EEFSEC: variants seen among roughly 807,000 people sequenced by gnomAD.
The protein encoded by EEFSEC is eukaryotic elongation factor, selenocysteine-tRNA specific, also known as selenocysteine-specific elongation factor.
A neutral mutation model predicts 42.1 loss-of-function variants in EEFSEC; 43 were observed. The observed-to-expected ratio is 1.02, with a 90% CI of 0.80 to 1.32. The LOEUF is 1.32. EEFSEC is among the 40% of genes most tolerant of loss of function. The pLI, the probability that EEFSEC is intolerant of heterozygous loss-of-function variation, is 0.00. For missense variants in EEFSEC, 745 were observed against 803.6 expected (o/e 0.93, Z 0.88); for synonymous variants, 354 against 339.1 (o/e 1.04, Z -0.48).
chr3:128,230,072 C>T (rs1207883520), intron 1 of EEFSEC, among the ~76,000 whole-genome samples: 1 of 146,308 alleles, frequency 6.8e-6, no homozygotes, highest in East Asian at 2.0e-4. Flanking sequence ...CCTTTTCTTT[C>T]TCGCCCGCTT....
At chr3:128,299,888 C>T (rs548590293) in intron 4 of EEFSEC, among the ~76,000 whole-genome samples, 1 of 152,228 alleles carries the variant, frequency 6.6e-6, no homozygotes, top group South Asian at 2.1e-4. Flanking sequence ...GCACCTCGTG[C>T]ACTCTTGAGG....
At chr3:128,419,309 G>A in the EEFSEC span, among the ~76,000 whole-genome samples, 3 of 152,198 alleles carry the variant, frequency 2.0e-5, no homozygotes, top group East Asian at 3.8e-4. Context: ...AAACAGTGCT[G>A]TGTGGCCATA....
intron 6 of EEFSEC, among the ~76,000 whole-genome samples, chr3:128,387,881 C>A (rs1199033082): frequency 2.0e-5 from 3 of 152,248 alleles, no homozygotes; most frequent in African/African-American, 7.2e-5. Context: ...CAGCATGGAG[C>A]ACTTCCTGGA....
rs746884649 is a variant in EEFSEC, at chr3:128,246,967, C to G, written c.448C>G (p.Leu150Val). Residue 150 changes from leucine (L) to valine (V), a missense_variant, in exon 2 of 7, where the codon CTC (leucine) becomes GTC (valine). Transcript: ENST00000254730. The part of the protein sequence containing the change: ...KLVVVLNKID[L>V]LPEGKRQAAI... ...GGTCGTGGTGCTGAACAAAATAGAC[C>G]TCTTACCTGAAGGAAAGAGACAGGC... is the stretch of plus-strand genomic sequence containing the variant. 2 of 1,614,190 alleles carry G rather than the reference C, an allele frequency of 1.2e-6. No individual in the cohort carries two copies. Among genetic ancestry groups the G allele is most frequent in the African/African-American group, 1.3e-5 (1 of 75,038 alleles).
At chr3:128,390,353 C>A (rs879291272) in intron 6 of EEFSEC, among the ~76,000 whole-genome samples, 1 of 152,218 alleles carries the variant, frequency 6.6e-6, no homozygotes, top group Non-Finnish European at 1.5e-5. Flanking sequence ...GGCCCAGGAA[C>A]AAGCACAGCC....
At chr3:128,297,276 G>A (rs578116466) in intron 4 of EEFSEC, among the ~76,000 whole-genome samples, 10 of 152,204 alleles carry the variant, frequency 6.6e-5, no homozygotes, top group Admixed American at 1.3e-4. Flanking sequence ...AAGTCTAGCC[G>A]AGGATTTATG....
At chr3:128,416,087 G>A in the EEFSEC span, among the ~76,000 whole-genome samples, 1 of 152,200 alleles carries the variant, frequency 6.6e-6, no homozygotes, top group African/African-American at 2.4e-5. Flanking sequence ...ACAGCTGGTT[G>A]GGCTGCCGAT....
At chr3:128,276,777 G>A (rs575859756) in intron 4 of EEFSEC, among the ~76,000 whole-genome samples, 14 of 152,252 alleles carry the variant, frequency 9.2e-5, no homozygotes, top group Middle Eastern at 3.4e-3. Context: ...AATGGGAGGG[G>A]TTCTGTAGGC....
At chr3:128,261,551 C>CT (rs386397883) in intron 2 of EEFSEC, among the ~76,000 whole-genome samples, 4,105 of 106,876 alleles carry the variant, frequency 0.038, 163 homozygotes, top group South Asian at 0.095. Context: ...CTCTTTCCCT[C>CT]TTTTTTTTTT....
intron 5 of EEFSEC, among the ~76,000 whole-genome samples, chr3:128,353,532 T>A (rs993910800): frequency 6.6e-6 from 1 of 152,184 alleles, no homozygotes; most frequent in African/African-American, 2.4e-5. Context: ...TGCAATGACT[T>A]GGGGTTTCCC....
downstream of EEFSEC, among the ~76,000 whole-genome samples, chr3:128,409,021 ACT>A (rs1018213035): frequency 6.6e-6 from 1 of 152,106 alleles, no homozygotes; most frequent in Non-Finnish European, 1.5e-5. Flanking sequence ...AGAACCACAT[ACT>A]TCCCAGAAAG....
At chr3:128,315,447 G>A (rs2066934156) in intron 4 of EEFSEC, among the ~76,000 whole-genome samples, 1 of 152,174 alleles carries the variant, frequency 6.6e-6, no homozygotes, top group African/African-American at 2.4e-5. Context: ...GGAAATGGAG[G>A]CTGAGAGAGA....
intron 1 of EEFSEC, among the ~76,000 whole-genome samples, chr3:128,220,512 C>T (rs2065851424): frequency 6.6e-6 from 1 of 152,152 alleles, no homozygotes; most frequent in Non-Finnish European, 1.5e-5. Flanking sequence ...GTGCGGCTGG[C>T]CTGCTTCCCC....
intron 4 of EEFSEC, among the ~76,000 whole-genome samples, chr3:128,283,596 A>T (rs1328464151): frequency 2.6e-5 from 4 of 152,174 alleles, no homozygotes; most frequent in Admixed American, 6.5e-5. Context: ...GCTGAGATCT[A>T]GCCTTGTCCT....
intron 4 of EEFSEC, among the ~76,000 whole-genome samples, chr3:128,269,420 T>G (rs1358833732): frequency 2.0e-5 from 3 of 152,220 alleles, no homozygotes; most frequent in Non-Finnish European, 4.4e-5. Flanking sequence ...ACTCCTGACC[T>G]CCTCTCACCC....
At chr3:128,412,475 C>T (rs983902158), downstream of EEFSEC, among the ~76,000 whole-genome samples, 6 of 152,222 alleles carry the variant, frequency 3.9e-5, no homozygotes, top group African/African-American at 1.4e-4. Flanking sequence ...GGGAGGCCTC[C>T]TGCCAAGGGG....
chr3:128,158,022 A>T (rs1355561978), intron 1 of EEFSEC, among the ~76,000 whole-genome samples: 1 of 152,238 alleles, frequency 6.6e-6, no homozygotes, highest in East Asian at 1.9e-4. Context: ...TAAAAATATC[A>T]ACAGTAACAA....
At chr3:128,281,982 G>A (rs1313056467) in intron 4 of EEFSEC, among the ~76,000 whole-genome samples, 1 of 152,226 alleles carries the variant, frequency 6.6e-6, no homozygotes, top group Non-Finnish European at 1.5e-5. Flanking sequence ...GACAGGAGAA[G>A]CTGAGGCTGT....
rs562144794 is a variant in EEFSEC at position 128,366,238 on chromosome 3, A to G, written c.1600+7865A>G. 1.9e-4 allele frequency among the ~76,000 whole-genome samples: 29 copies of G among 152,362 alleles called. No individual in the cohort carries two copies. The East Asian group carries it at 5.0e-3, about 26-fold the overall frequency. On this transcript the variant is annotated intron_variant, in intron 6 of 6. Transcript: ENST00000254730. Reference sequence around the variant, plus strand: ...GAAACTATGGTTCTAAGAAATGGCCAGGGGCATTGGTCCATATGGGCTGGT... The same window carrying G: ...GAAACTATGGTTCTAAGAAATGGCCGGGGGCATTGGTCCATATGGGCTGGT...
Sources: allele counts gnomAD v4.1 joint callset (sites outside exome capture counted in the v4.1 genomes callset), GRCh38; gene constraint gnomAD v4.1.1; transcripts MANE v1.5; gene names NCBI Gene and HGNC (gene_info 2026-07-23, HGNC 2026-07-21).